The following RAB11FIP4 variants were observed in gnomAD, a reference collection of about 807,000 sequenced individuals.
The protein encoded by RAB11FIP4 is RAB11 family interacting protein 4.
In RAB11FIP4, 23 loss-of-function variants were observed where a neutral mutation model predicts 74.3. The ratio of observed to expected loss-of-function variants is 0.31; its 90% CI spans 0.22 to 0.44. RAB11FIP4 has a LOEUF of 0.44. Ranked by LOEUF, RAB11FIP4 falls within the 20% of genes least tolerant of loss-of-function variation. The pLI, the probability that RAB11FIP4 is intolerant of heterozygous loss-of-function variation, is 1.00. For synonymous variants in RAB11FIP4, 360 were observed against 359.9 expected (o/e 1.00, Z 0.00); for missense variants, 630 against 863.9 (o/e 0.73, Z 3.39).
intron 3 of RAB11FIP4, among the ~76,000 whole-genome samples, chr17:31,476,495 T>C (rs776374729): frequency 2.0e-5 from 3 of 152,176 alleles, no homozygotes; most frequent in Non-Finnish European, 4.4e-5. Flanking sequence ...TCGTGTGTAC[T>C]ATTAACTCTG....
In RAB11FIP4 at chr17:31,451,876, C is replaced by G. The variant is rs1439207713; in HGVS notation, c.336+17754C>G. On this transcript the variant is annotated intron_variant, in intron 3 of 14. Coordinates refer to ENST00000621161, the MANE Select transcript of RAB11FIP4 (RefSeq NM_032932.6). ...CACCCTGCTTATTTCCTTGAGTATG[C>G]ACCACTGTTAGCTGCATGTTTTTTT... Among the ~76,000 whole-genome samples the G allele has an allele frequency of 2.0e-5, 3 of 151,868 alleles. No individual in the cohort carries two copies. In the East Asian group the frequency reaches 5.8e-4, roughly 29 times the overall value.
At chr17:31,510,725 T>C (rs2072436808) in intron 3 of RAB11FIP4, among the ~76,000 whole-genome samples, 1 of 152,066 alleles carries the variant, frequency 6.6e-6, no homozygotes, top group Non-Finnish European at 1.5e-5. Context: ...AGGTCTGGCT[T>C]CCTGCAGCCA....
chr17:31,521,238 T>C lies in RAB11FIP4; in HGVS notation c.636T>C (p.Asn212=), dbSNP rs377392970. ...STHSTTSLIS[N]EEQFEDYGEG... ...ACTCCACCACCTCGCTCATCAGCAA[T>C]GAGGAGCAGTTTGAAGACTATGGGG... Residue 212 remains asparagine, a synonymous_variant, in exon 5 of 15, where the codon AAT becomes AAC. Coordinates refer to ENST00000621161, the MANE Select transcript of RAB11FIP4 (RefSeq NM_032932.6). 2 of 1,613,870 alleles carry C rather than the reference T, an allele frequency of 1.2e-6. No homozygotes were observed. The highest frequency in any genetic ancestry group is 1.3e-5 in the African/African-American group (1 of 75,006).
chr17:31,449,502 G>A (rs888372809), intron 3 of RAB11FIP4, among the ~76,000 whole-genome samples: 2 of 152,078 alleles, frequency 1.3e-5, no homozygotes, highest in Non-Finnish European at 2.9e-5. Flanking sequence ...TCCCAATGAT[G>A]TCTTGGCCCC....
chr17:31,442,180 T>C (rs922638830), intron 3 of RAB11FIP4, among the ~76,000 whole-genome samples: 1 of 152,056 alleles, frequency 6.6e-6, no homozygotes, highest in East Asian at 1.9e-4. Flanking sequence ...TTTGTATTTT[T>C]AGTAGAGACA....
intron 1 of RAB11FIP4, among the ~76,000 whole-genome samples, chr17:31,427,553 C>G (rs796269001): frequency 2.6e-5 from 4 of 152,352 alleles, no homozygotes; most frequent in African/African-American, 9.6e-5. Flanking sequence ...ATTACAGAAT[C>G]CAAATCCCTG....
chr17:31,406,630 C>G (rs570694672), intron 1 of RAB11FIP4, among the ~76,000 whole-genome samples: 1 of 152,188 alleles, frequency 6.6e-6, no homozygotes, highest in Non-Finnish European at 1.5e-5. Context: ...GCTCATGAGA[C>G]TTTGCATTTT....
chr17:31,411,735 T>C (rs1318379366), intron 1 of RAB11FIP4, among the ~76,000 whole-genome samples: 3 of 152,146 alleles, frequency 2.0e-5, no homozygotes, highest in Non-Finnish European at 1.5e-5. Context: ...ACAAAATGAG[T>C]AGACTCAAGA....
At chr17:31,455,639 G>A (rs1158302307) in intron 3 of RAB11FIP4, among the ~76,000 whole-genome samples, 1 of 56,548 alleles carries the variant, frequency 1.8e-5, no homozygotes, top group Non-Finnish European at 3.1e-5. Flanking sequence ...CACAGGGAGT[G>A]GGTCTGCTCT....
intron 1 of RAB11FIP4, among the ~76,000 whole-genome samples, chr17:31,429,076 A>T (rs1420961555): frequency 1.3e-5 from 2 of 152,162 alleles, no homozygotes; most frequent in South Asian, 4.1e-4. Flanking sequence ...CTTGAAGGTC[A>T]GAGGTTCTCC....
chr17:31,505,555 A>T (rs1308628905), intron 3 of RAB11FIP4, among the ~76,000 whole-genome samples: 34 of 87,866 alleles, frequency 3.9e-4, no homozygotes, highest in African/African-American at 1.5e-3. Flanking sequence ...TATATATAAT[A>T]ATAATTATAA....
chr17:31,523,593 C>A lies in RAB11FIP4; in HGVS notation c.1011C>A (p.Asp337Glu). Residue 337 changes from aspartate (D) to glutamate (E), a missense_variant, in exon 8 of 15, where the codon GAC (aspartate) becomes GAA (glutamate). Asp to Glu is a conservative substitution (Grantham distance 45). Transcript: ENST00000621161. ...TCCGGGACAGCATTGACTCTTGCGA[C>A]AATGACATCACAGAGAAGGTGGGCC... Reference protein sequence around the residue: ...DLFRDSIDSCDNDITEKVSFL... With the variant: ...DLFRDSIDSCENDITEKVSFL... 1 of 1,614,048 alleles carries A rather than the reference C, an allele frequency of 6.2e-7. No individual in the cohort carries two copies. Among genetic ancestry groups the A allele is most frequent in the South Asian group, 1.1e-5 (1 of 91,082 alleles).
chr17:31,429,642 CAT>C, intron 1 of RAB11FIP4, among the ~76,000 whole-genome samples: 1 of 152,306 alleles, frequency 6.6e-6, no homozygotes, highest in East Asian at 1.9e-4. Flanking sequence ...GCCTGGCCAA[CAT>C]AGTGAAACAG....
At position 31,523,551 on chromosome 17, in the gene RAB11FIP4, C is replaced by G; in HGVS notation, c.969C>G (p.Gly323=). The G allele has an allele frequency of 6.2e-7, 1 of 1,614,162 alleles. No individual in the cohort carries two copies. Among genetic ancestry groups the G allele is most frequent in the Non-Finnish European group, 8.5e-7 (1 of 1,180,018 alleles). The change falls in exon 8 of 15, where the codon GGC becomes GGG. Residue 323 remains glycine (G), a synonymous_variant. Transcript: ENST00000621161. ...GCAGCAACTTCAGCAGCAGCAATGG[C>G]AGCACCGAAGACCTGTTCCGGGACA... is the stretch of plus-strand genomic sequence containing the variant. The part of the protein sequence containing the change: ...MHSSNFSSSN[G]STEDLFRDSI...
chr17:31,425,353 G>T (rs958701028), intron 1 of RAB11FIP4, among the ~76,000 whole-genome samples: 1 of 152,220 alleles, frequency 6.6e-6, no homozygotes, highest in Non-Finnish European at 1.5e-5. Context: ...ACAGCGGCAA[G>T]ATAAGCCGGC....
intron 1 of RAB11FIP4, among the ~76,000 whole-genome samples, chr17:31,409,292 C>G (rs1020808871): frequency 6.6e-6 from 1 of 152,218 alleles, no homozygotes; most frequent in Non-Finnish European, 1.5e-5. Flanking sequence ...CTCTCCGCTC[C>G]GTTCTCCTTT....
intron 3 of RAB11FIP4, among the ~76,000 whole-genome samples, chr17:31,447,611 C>G (rs2071479555): frequency 6.6e-6 from 1 of 152,162 alleles, no homozygotes; most frequent in Admixed American, 6.5e-5. Context: ...CAACCTCCGC[C>G]TCCCGGGTTC....
At chr17:31,444,470 G>A (rs2071433150) in intron 3 of RAB11FIP4, among the ~76,000 whole-genome samples, 1 of 152,130 alleles carries the variant, frequency 6.6e-6, no homozygotes, top group Admixed American at 6.6e-5. Flanking sequence ...AAAGGTGGCG[G>A]GGATGGAAGC....
Position 31,534,616 on chromosome 17 carries a change from C to G in RAB11FIP4, c.*2884C>G, listed in dbSNP as rs1326536265. On this transcript the variant is annotated 3_prime_UTR_variant, in exon 15 of 15. Coordinates refer to ENST00000621161, the MANE Select transcript of RAB11FIP4 (RefSeq NM_032932.6). Reference sequence around the variant, plus strand: ...AAAATTCTGATGATTAGACTGAATCCTCAGACGTTCTGGTTTGATTGTTGT... The same window carrying G: ...AAAATTCTGATGATTAGACTGAATCGTCAGACGTTCTGGTTTGATTGTTGT... 1 of 152,144 alleles carries G rather than the reference C, an allele frequency of 6.6e-6. No individual in the cohort carries two copies. Among genetic ancestry groups the G allele is most frequent in the Non-Finnish European group, 1.5e-5 (1 of 68,032 alleles). The allele number at this position is 152,144 out of a possible 1,614,324, so 9.4% of individuals were successfully genotyped here. A position where few individuals can be genotyped will look rare whatever the true frequency, so the allele number is the denominator to read the frequency against.
Sources: allele counts gnomAD v4.1 joint callset (sites outside exome capture counted in the v4.1 genomes callset), GRCh38; gene constraint gnomAD v4.1.1; transcripts MANE v1.5; gene names NCBI Gene and HGNC (gene_info 2026-07-23, HGNC 2026-07-21).